Variants in NFRKB observed in about 807,000 individuals in gnomAD.
NFRKB encodes nuclear factor related to kappaB binding protein.
A neutral mutation model predicts 135.7 loss-of-function variants in NFRKB; 62 were observed. The ratio of observed to expected loss-of-function variants is 0.46; its 90% CI spans 0.37 to 0.56. The LOEUF (loss-of-function observed/expected upper bound fraction) is 0.56, where lower values mean the gene tolerates loss of function less well. Among genes scored for constraint, NFRKB ranks in the 20% least tolerant of loss-of-function variants. The pLI is 0.00. For missense variants in NFRKB, 1,545 were observed against 1,662.0 expected, an observed-to-expected ratio of 0.93 and a Z score of 1.22; for synonymous variants, 678 against 635.6, an observed-to-expected ratio of 1.07 and a Z score of -1.00.
intron 15 of NFRKB, 133 bp from the exon 16 acceptor site, chr11:129,877,518 G>A (rs765477510): frequency 1.2e-4 from 101 of 815,400 alleles, no homozygotes; most frequent in African/African-American, 9.8e-4. Flanking sequence ...TTACAAAGGC[G>A]AAGAGCCCAC....
chr11:129,864,539 C>G lies in NFRKB; in HGVS notation c.*186G>C. On this transcript the variant is annotated 3_prime_UTR_variant, in exon 27 of 27. Coordinates refer to ENST00000682444, the MANE Select transcript of NFRKB (RefSeq NM_001143835.2). ...CCTTGGAACCCTGGAGTGAACCTTT[C>G]TCAGGGTGCTCCACTATGGCACGTG... is the stretch of plus-strand genomic sequence containing the variant. 2.9e-6 allele frequency: 2 copies of G among 680,010 alleles called. No individual in the cohort carries two copies. The highest frequency in any genetic ancestry group is 3.9e-5 in the South Asian group (2 of 51,876). 42.1% of individuals were successfully genotyped at this position (680,010 alleles called of 1,614,324 possible).
chr11:129,891,088 G>A (rs189784149), intron 3 of NFRKB, among the ~76,000 whole-genome samples: 73 of 152,242 alleles, frequency 4.8e-4, no homozygotes, highest in African/African-American at 1.5e-3. Flanking sequence ...GATGTTCTAC[G>A]GTTGAAAAGG....
At chr11:129,895,140 C>G (rs926835477) in intron 1 of NFRKB, among the ~76,000 whole-genome samples, 12 of 152,224 alleles carry the variant, frequency 7.9e-5, no homozygotes, top group African/African-American at 2.7e-4. Flanking sequence ...GCTTTCAGCA[C>G]CTGGTCTAAC....
chr11:129,885,900 G>A (rs1783915), intron 5 of NFRKB, among the ~76,000 whole-genome samples: 114,959 of 152,006 alleles, frequency 0.76, 43,946 homozygotes, highest in African/African-American at 0.87. Flanking sequence ...AATCCAAACA[G>A]CTTTGCCTCT....
In NFRKB at chr11:129,870,028, G is replaced by T; in HGVS notation, c.2997C>A (p.Gly999=). The change falls in exon 24 of 27, where the codon GGC becomes GGA. Residue 999 remains glycine, a synonymous_variant. Transcript: ENST00000682444. Reference sequence around the variant, plus strand: ...CAGAGATGCCTTTGCCTGTAGTGTTGCCTCCTGTCCCGAAGAGGTCCTGGG... The same window carrying T: ...CAGAGATGCCTTTGCCTGTAGTGTTTCCTCCTGTCCCGAAGAGGTCCTGGG... ...KLTQDLFGTG[G]NTTGKGISAT... 3.7e-6 allele frequency: 6 copies of T among 1,614,246 alleles called. No homozygotes were observed. The highest frequency in any genetic ancestry group is 5.1e-6 in the Non-Finnish European group (6 of 1,180,040).
At chr11:129,873,182 G>C (rs1334071500) in intron 22 of NFRKB, 86 bp from the exon 23 acceptor site, 1 of 1,200,278 alleles carries the variant, frequency 8.3e-7, no homozygotes, top group African/African-American at 1.5e-5. Context: ...CAGCACCCCG[G>C]AAGCATTGCT....
chr11:129,870,164 C>T lies in NFRKB; in HGVS notation c.2861G>A (p.Arg954His), dbSNP rs150712608. ...TGTGGTGATGGAAGAGGGCGGCAGACGCAATACATCCTTACCCTGGATGCG... is the reference window on the plus strand; with the variant it reads ...TGTGGTGATGGAAGAGGGCGGCAGATGCAATACATCCTTACCCTGGATGCG... ...NFRIQGKDVL[R>H]LPPSSITTDA... The change falls in exon 24 of 27, where the codon CGT becomes CAT. Residue 954 changes from arginine (R) to histidine (H), a missense_variant. By Grantham distance (29) the Arg-to-His change is conservative. Coordinates refer to ENST00000682444, the MANE Select transcript of NFRKB (RefSeq NM_001143835.2). 15 of 1,614,196 alleles carry T rather than the reference C, an allele frequency of 9.3e-6. No homozygotes were observed. The highest frequency in any genetic ancestry group is 5.3e-5 in the African/African-American group (4 of 75,056).
rs557701200 is a variant in NFRKB at position 129,867,755 on chromosome 11, C to T, written c.3531+1739G>A. ...TCCCTATATAGCTTGCTCAGTAAAG[C>T]GAAACTGTATTTTATACTGTCCATA... On this transcript the variant is annotated intron_variant, in intron 24 of 26. Coordinates refer to ENST00000682444, the MANE Select transcript of NFRKB (RefSeq NM_001143835.2). Among the ~76,000 whole-genome samples the T allele has an allele frequency of 1.6e-4, 25 of 152,284 alleles. No individual in the cohort carries two copies. The South Asian group carries it at 2.1e-3, about 13-fold the overall frequency.
intron 23 of NFRKB, among the ~76,000 whole-genome samples, chr11:129,870,631 A>C (rs912984620): frequency 2.0e-5 from 3 of 152,090 alleles, no homozygotes; most frequent in Admixed American, 6.5e-5. Flanking sequence ...GCAGTGGTAC[A>C]ATCAGAGCTC....
chr11:129,871,559 G>A (rs1024585248), intron 23 of NFRKB, among the ~76,000 whole-genome samples: 1 of 152,192 alleles, frequency 6.6e-6, no homozygotes, highest in Admixed American at 6.5e-5. Context: ...CAAAGCCATG[G>A]ATGGGGTAAG....
Position 129,883,154 on chromosome 11 carries a change from C to T in NFRKB, c.869G>A (p.Arg290Gln), listed in dbSNP as rs902476653. ...GDLTLNDIMT[R>Q]VNAGRKGSLA... Reference sequence around the variant, plus strand: ...AGAGCCCTTCCTGCCAGCATTTACTCGAGTCATGATGTCATTGAGAGTCAG... The same window carrying T: ...AGAGCCCTTCCTGCCAGCATTTACTTGAGTCATGATGTCATTGAGAGTCAG... Residue 290 changes from arginine to glutamine, a missense_variant, in exon 9 of 27, where the codon CGA (arginine) becomes CAA (glutamine). Arg to Gln is a conservative substitution (Grantham distance 43). Coordinates refer to ENST00000682444, the MANE Select transcript of NFRKB (RefSeq NM_001143835.2). 13 of 1,614,042 alleles carry T rather than the reference C, an allele frequency of 8.1e-6. No homozygotes were observed. Among genetic ancestry groups the T allele is most frequent in the Non-Finnish European group, 1.1e-5 (13 of 1,180,008 alleles).
chr11:129,881,361 A>G, intron 13 of NFRKB, 82 bp downstream of exon 13: 3 of 1,379,666 alleles, frequency 2.2e-6, no homozygotes, highest in South Asian at 2.4e-5. Context: ...CTGCAGGACT[A>G]TATTGACTGG....
rs756893744 is a variant in NFRKB at position 129,873,918 on chromosome 11, C to T, written c.2377G>A (p.Val793Ile). The T allele has an allele frequency of 1.2e-6, 2 of 1,613,644 alleles. No homozygotes were observed. Among genetic ancestry groups the T allele is most frequent in the Non-Finnish European group, 1.7e-6 (2 of 1,180,018 alleles). The change falls in exon 22 of 27, where the codon GTC becomes ATC. Residue 793 changes from valine to isoleucine, a missense_variant. This residue lies in a region of NFRKB where 753 missense variants were observed against 804.3 expected (regional missense o/e 0.94). Coordinates refer to ENST00000682444, the MANE Select transcript of NFRKB (RefSeq NM_001143835.2). ...CCAGCAGAGCCAGAGTGGCTCACGA[C>T]CCGGGCGGCAGCCTGAGAACTGGGT... is the stretch of plus-strand genomic sequence containing the variant. The part of the protein sequence containing the change: ...TAPSSQAAAR[V>I]VSHSGSAGLS...
chr11:129,873,096 T>A lies in NFRKB; in HGVS notation c.2551A>T (p.Thr851Ser). 6.3e-7 allele frequency: 1 copy of A among 1,597,702 alleles called. No homozygotes were observed. The highest frequency in any genetic ancestry group is 8.5e-7 in the Non-Finnish European group (1 of 1,170,264). ...TATQTKVVPQ[T>S]VMATVPVKAQ... ...TTGACGGGCACAGTGGCCATTACTGTCTAGTTGAGGGCATGAGGCCAAGAG... is the reference window on the plus strand; with the variant it reads ...TTGACGGGCACAGTGGCCATTACTGACTAGTTGAGGGCATGAGGCCAAGAG... The change falls in exon 23 of 27, where the codon ACA (threonine) becomes TCA (serine). Residue 851 changes from threonine (T) to serine (S), a missense_variant and splice_region_variant. Around this residue, in one of 3 missense-constraint regions of NFRKB, gnomAD observed 753 missense variants for 804.3 expected, o/e 0.94. Transcript: ENST00000682444.
At chr11:129,880,117 G>A (rs1421757875) in intron 13 of NFRKB, among the ~76,000 whole-genome samples, 1 of 152,118 alleles carries the variant, frequency 6.6e-6, no homozygotes, top group Non-Finnish European at 1.5e-5. Flanking sequence ...TTGAGCCCGG[G>A]AGGCAGATGT....
intron 13 of NFRKB, among the ~76,000 whole-genome samples, chr11:129,881,132 A>C (rs1398782922): frequency 6.6e-6 from 1 of 152,244 alleles, no homozygotes; most frequent in Non-Finnish European, 1.5e-5. Flanking sequence ...ATCCAAAGTC[A>C]TCTGTATGAT....
intron 13 of NFRKB, among the ~76,000 whole-genome samples, chr11:129,880,237 C>T (rs1948965159): frequency 6.6e-6 from 1 of 152,056 alleles, no homozygotes; most frequent in Non-Finnish European, 1.5e-5. Flanking sequence ...AACTCGGGAT[C>T]TCCACCCTCC....
At chr11:129,875,040 G>A (rs922184171) in intron 18 of NFRKB, 124 bp from the exon 19 acceptor site, 30 of 1,244,806 alleles carry the variant, frequency 2.4e-5, no homozygotes, top group Non-Finnish European at 3.3e-5. Context: ...TCTCAGCCTA[G>A]CTGCGTATTC....
chr11:129,872,981 A>T lies in NFRKB; in HGVS notation c.2666T>A (p.Val889Glu). 2 of 1,614,174 alleles carry T rather than the reference A, an allele frequency of 1.2e-6. No individual in the cohort carries two copies. Among genetic ancestry groups the T allele is most frequent in the Non-Finnish European group, 1.7e-6 (2 of 1,180,006 alleles). The change falls in exon 23 of 27, where the codon GTG becomes GAG. Residue 889 changes from valine (V) to glutamate (E), a missense_variant. This residue lies in a region of NFRKB where 753 missense variants were observed against 804.3 expected (regional missense o/e 0.94). Coordinates refer to ENST00000682444, the MANE Select transcript of NFRKB (RefSeq NM_001143835.2). Reference protein sequence around the residue: ...VTSLPATASPVSKPATSSPGT... With the variant: ...VTSLPATASPESKPATSSPGT... ...AGGAGAACTCGTGGCTGGCTTACTCACAGGGCTGGCTGTGGCAGGGAGACT... is the reference window on the plus strand; with the variant it reads ...AGGAGAACTCGTGGCTGGCTTACTCTCAGGGCTGGCTGTGGCAGGGAGACT...
Sources: gnomAD v4.1 joint callset for allele counts (sites outside exome capture counted in the v4.1 genomes callset) on GRCh38, gnomAD v4.1.1 for gene constraint, gnomAD v4.1.1 regional missense constraint, MANE v1.5 for transcripts, NCBI Gene and HGNC (gene_info 2026-07-23, HGNC 2026-07-21) for gene names.